The following DCLK1 variants were observed in gnomAD, a reference collection of about 807,000 sequenced individuals.
DCLK1 encodes serine/threonine-protein kinase DCLK1.
A neutral mutation model predicts 86.2 loss-of-function variants in DCLK1; 16 were observed. The ratio of observed to expected loss-of-function variants is 0.19; its 90% CI spans 0.13 to 0.28. DCLK1 has a LOEUF of 0.28. DCLK1 is among the 10% of genes least tolerant of loss of function. The pLI, the probability that DCLK1 is intolerant of heterozygous loss-of-function variation, is 1.00. For synonymous variants in DCLK1, 369 were observed against 370.5 expected (o/e 1.00, Z 0.05); for missense variants, 590 against 940.2 (o/e 0.63, Z 4.87).
At chr13:35,877,317 TC>T (rs922294492) in intron 4 of DCLK1, among the ~76,000 whole-genome samples, 6 of 152,160 alleles carry the variant, frequency 3.9e-5, no homozygotes, top group African/African-American at 1.4e-4. Flanking sequence ...AGAAAGATCC[TC>T]CCCCCACTCA....
intron 2 of DCLK1, among the ~76,000 whole-genome samples, chr13:36,120,825 T>C (rs1885961826): frequency 6.6e-6 from 1 of 152,152 alleles, no homozygotes; most frequent in Admixed American, 6.5e-5. Context: ...AGTTTTCTTT[T>C]CTTAATGGGT....
At chr13:35,997,853 G>A (rs1029957176) in intron 3 of DCLK1, among the ~76,000 whole-genome samples, 1 of 152,156 alleles carries the variant, frequency 6.6e-6, no homozygotes, top group Non-Finnish European at 1.5e-5. Context: ...GGTGTTTTGG[G>A]TAGCTTGGTG....
chr13:35,901,280 A>C (rs1246700425), intron 4 of DCLK1, among the ~76,000 whole-genome samples: 2 of 152,076 alleles, frequency 1.3e-5, no homozygotes, highest in Non-Finnish European at 2.9e-5. Flanking sequence ...TGAGGTCAGG[A>C]GTTCAAGACC....
At position 35,867,389 on chromosome 13, in the gene DCLK1, T is replaced by C. The variant is rs556802588; in HGVS notation, c.940+3835A>G. Among the ~76,000 whole-genome samples the C allele has an allele frequency of 2.0e-5, 3 of 152,294 alleles. No individual in the cohort carries two copies. In the East Asian group the frequency reaches 5.8e-4, roughly 29 times the overall value. ...AGAACATATTAATTTTAGAATGAAT[T>C]TGGACTCTACTTTCTTTATGAAAAT... is the stretch of plus-strand genomic sequence containing the variant. On this transcript the variant is annotated intron_variant, in intron 5 of 16. Coordinates refer to ENST00000360631, the MANE Select transcript of DCLK1 (RefSeq NM_001330071.2).
At chr13:35,995,532 T>C (rs1262253968) in intron 3 of DCLK1, among the ~76,000 whole-genome samples, 2 of 152,230 alleles carry the variant, frequency 1.3e-5, no homozygotes, top group Non-Finnish European at 2.9e-5. Flanking sequence ...TCTTCTTTCA[T>C]TTTTACTGAG....
rs376962234 is a variant in DCLK1, at chr13:35,943,809, T to C, written c.823+3549A>G. ...TAAATGGCTACGGATTACAAATTCG[T>C]CCATTTGTCATCAACATAGAAGCAA... On this transcript the variant is annotated intron_variant, in intron 4 of 16. Coordinates refer to ENST00000360631, the MANE Select transcript of DCLK1 (RefSeq NM_001330071.2). Among the ~76,000 whole-genome samples the C allele has an allele frequency of 7.2e-5, 11 of 152,288 alleles. No individual in the cohort carries two copies. The East Asian group carries it at 1.5e-3, about 21-fold the overall frequency.
chr13:35,938,583 C>A (rs1274039924), intron 4 of DCLK1, among the ~76,000 whole-genome samples: 1 of 151,748 alleles, frequency 6.6e-6, no homozygotes, highest in Admixed American at 6.6e-5. Flanking sequence ...GAGCCAAGAT[C>A]GCGCCACTGC....
At chr13:36,085,583 G>C (rs1222420358) in intron 3 of DCLK1, among the ~76,000 whole-genome samples, 1 of 152,150 alleles carries the variant, frequency 6.6e-6, no homozygotes, top group African/African-American at 2.4e-5. Context: ...CATGTTTGCA[G>C]TAATTTTCCC....
chr13:35,968,872 GT>G (rs1878917314), intron 3 of DCLK1, among the ~76,000 whole-genome samples: 1 of 152,172 alleles, frequency 6.6e-6, no homozygotes, highest in Non-Finnish European at 1.5e-5. Context: ...TGAAGAAAGA[GT>G]TTTTCTCAGG....
intron 7 of DCLK1, among the ~76,000 whole-genome samples, chr13:35,838,457 G>A (rs1164691974): frequency 6.6e-6 from 1 of 152,170 alleles, no homozygotes; most frequent in Non-Finnish European, 1.5e-5. Flanking sequence ...GGAAATAGGT[G>A]TGATTCACAA....
At chr13:35,967,164 T>A (rs996328288) in intron 3 of DCLK1, among the ~76,000 whole-genome samples, 15 of 150,928 alleles carry the variant, frequency 9.9e-5, no homozygotes, top group Admixed American at 7.2e-4. Context: ...CCACCCCGAC[T>A]GGGAGGTGAG....
intron 3 of DCLK1, among the ~76,000 whole-genome samples, chr13:36,001,372 T>C (rs1047901076): frequency 4.6e-5 from 7 of 152,150 alleles, no homozygotes; most frequent in African/African-American, 1.7e-4. Flanking sequence ...TAATAAAGTT[T>C]AATGGAAAGA....
intron 3 of DCLK1, among the ~76,000 whole-genome samples, chr13:36,053,315 A>G (rs1263610790): frequency 6.6e-6 from 1 of 152,092 alleles, no homozygotes; most frequent in African/African-American, 2.4e-5. Context: ...GTACCTTCAT[A>G]ATAAGGGGCA....
intron 11 of DCLK1, among the ~76,000 whole-genome samples, chr13:35,814,330 C>T (rs1321014927): frequency 6.6e-6 from 1 of 152,192 alleles, no homozygotes; most frequent in Non-Finnish European, 1.5e-5. Flanking sequence ...AAATGGCAGC[C>T]ATAAATCCAC....
intron 11 of DCLK1, among the ~76,000 whole-genome samples, chr13:35,819,087 C>T (rs1193863407): frequency 3.3e-5 from 5 of 152,128 alleles, no homozygotes; most frequent in African/African-American, 1.2e-4. Context: ...TCCACTCTGA[C>T]GTCCACCTGT....
chr13:35,934,550 C>G (rs1002431803), intron 4 of DCLK1, among the ~76,000 whole-genome samples: 1 of 152,138 alleles, frequency 6.6e-6, no homozygotes, highest in Non-Finnish European at 1.5e-5. Flanking sequence ...CTGGTAAAAC[C>G]ATCAGATCTT....
At chr13:35,861,107 T>C (rs2153112250) in intron 5 of DCLK1, among the ~76,000 whole-genome samples, 1 of 152,262 alleles carries the variant, frequency 6.6e-6, no homozygotes, top group East Asian at 1.9e-4. Flanking sequence ...AGGTTGGACA[T>C]TGGTGCCCAG....
intron 6 of DCLK1, among the ~76,000 whole-genome samples, chr13:35,844,483 C>A (rs184293464): frequency 3.9e-5 from 6 of 152,334 alleles, no homozygotes; most frequent in African/African-American, 9.6e-5. Flanking sequence ...AATTGATAAT[C>A]TGAACCATTT....
At chr13:35,784,970 G>A (rs2086593944) in intron 16 of DCLK1, among the ~76,000 whole-genome samples, 3 of 152,030 alleles carry the variant, frequency 2.0e-5, no homozygotes, top group Non-Finnish European at 2.9e-5. Flanking sequence ...TTTAACAACC[G>A]AGCATGACAG....
Sources: allele counts gnomAD v4.1 joint callset (sites outside exome capture counted in the v4.1 genomes callset), GRCh38; gene constraint gnomAD v4.1.1; transcripts MANE v1.5; gene names NCBI Gene and HGNC (gene_info 2026-07-23, HGNC 2026-07-21).